The following GLDC variants were observed in gnomAD, a reference collection of about 807,000 sequenced individuals.
The protein encoded by GLDC is glycine decarboxylase.
Under a neutral mutation model 121.3 loss-of-function variants are expected in GLDC, and 104 were observed. The observed-to-expected ratio is 0.86, with a 90% CI of 0.73 to 1.01. The LOEUF is 1.01. Ranked by LOEUF, GLDC falls within the 50% of genes least tolerant of loss-of-function variation. GLDC has a pLI of 0.00. For synonymous variants in GLDC, 546 were observed against 480.6 expected, an observed-to-expected ratio of 1.14 and a Z score of -1.78; for missense variants, 1,429 against 1,306.6, an observed-to-expected ratio of 1.09 and a Z score of -1.44.
At chr9:6,602,551 C>T (rs1818637620) in intron 7 of GLDC, among the ~76,000 whole-genome samples, 1 of 152,054 alleles carries the variant, frequency 6.6e-6, no homozygotes, top group Non-Finnish European at 1.5e-5. Context: ...TGGGGTTTCA[C>T]CATGTTGGCC....
At chr9:6,644,268 G>A (rs1307017311) in intron 2 of GLDC, among the ~76,000 whole-genome samples, 4 of 151,768 alleles carry the variant, frequency 2.6e-5, no homozygotes, top group Non-Finnish European at 5.9e-5. Context: ...CCGGGTCTGC[G>A]CAGGTAATGA....
At chr9:6,577,956 C>G (rs1208960184) in intron 15 of GLDC, among the ~76,000 whole-genome samples, 1 of 151,886 alleles carries the variant, frequency 6.6e-6, no homozygotes, top group Non-Finnish European at 1.5e-5. Context: ...ACAGGGTCAA[C>G]CAGGCTGGAG....
intron 2 of GLDC, chr9:6,639,365 C>T (rs574485243): frequency 2.0e-5 from 19 of 935,162 alleles, no homozygotes; most frequent in Non-Finnish European, 3.1e-5. Context: ...GACCACTATG[C>T]TATCATCAAG....
At position 6,592,178 on chromosome 9, in the gene GLDC, C is replaced by A. The variant is rs753029511; in HGVS notation, c.1447G>T (p.Asp483Tyr). 6.2e-7 allele frequency: 1 copy of A among 1,608,112 alleles called. No individual in the cohort carries two copies. Among genetic ancestry groups the A allele is most frequent in the South Asian group, 1.1e-5 (1 of 90,954 alleles). ...DETVNEKDLD[D>Y]LLWIFGCESS... ...TCACAACCAAAGATCCACAACAAATCGTCCAGATCTTTTTCATTGACTGTT... is the reference window on the plus strand; with the variant it reads ...TCACAACCAAAGATCCACAACAAATAGTCCAGATCTTTTTCATTGACTGTT... Residue 483 changes from aspartate to tyrosine, a missense_variant, in exon 11 of 25, where the codon GAT (aspartate) becomes TAT (tyrosine). By Grantham distance (160) the Asp-to-Tyr change is radical. Transcript: ENST00000321612.
rs1817684915 is a variant in GLDC, at chr9:6,558,648, G to C, written c.1963C>G (p.Pro655Ala). The C allele has an allele frequency of 6.2e-7, 1 of 1,614,118 alleles. No individual in the cohort carries two copies. The highest frequency in any genetic ancestry group is 1.3e-5 in the African/African-American group (1 of 75,024). ...LIPKSAHGTNPASAHMAGMKI... is the reference protein window; with the variant it reads ...LIPKSAHGTNAASAHMAGMKI... The stretch of plus-strand genomic sequence containing the variant: ...ATGCCTGCCATGTGGGCACTTGCTG[G>C]GTTGGTCCCATGTGCTGATTTCGGA... Residue 655 changes from proline to alanine, a missense_variant, in exon 17 of 25, where the codon CCA becomes GCA. By Grantham distance (27) the Pro-to-Ala change is conservative. Transcript: ENST00000321612.
chr9:6,592,367 G>A (rs560050508), intron 10 of GLDC, 144 bp from the exon 11 acceptor site: 3 of 699,874 alleles, frequency 4.3e-6, no homozygotes, highest in Non-Finnish European at 7.7e-6. Context: ...CCACGCTAAG[G>A]CTTAGAGGAA....
chr9:6,643,532 A>T (rs908985029), intron 2 of GLDC, among the ~76,000 whole-genome samples: 1 of 129,944 alleles, frequency 7.7e-6, no homozygotes, highest in Non-Finnish European at 1.6e-5. Flanking sequence ...TAACCAGATG[A>T]GATTTTTTTT....
intron 2 of GLDC, among the ~76,000 whole-genome samples, chr9:6,642,404 G>A (rs978914355): frequency 2.0e-5 from 3 of 152,092 alleles, no homozygotes; most frequent in African/African-American, 2.4e-5. Context: ...GGTGGTGCAC[G>A]TCTGTAATCC....
chr9:6,580,678 C>T (rs1353538281), intron 15 of GLDC, among the ~76,000 whole-genome samples: 13 of 152,148 alleles, frequency 8.5e-5, no homozygotes, highest in Admixed American at 8.5e-4. Context: ...AAATAAAGCC[C>T]TTCTTTTCTC....
In GLDC at chr9:6,532,777, C is replaced by T; in HGVS notation, c.*240G>A. 1 of 515,590 alleles carries T rather than the reference C, an allele frequency of 1.9e-6. No homozygotes were observed. The highest frequency in any genetic ancestry group is 3.5e-6 in the Non-Finnish European group (1 of 284,940). The allele number at this position is 515,590 out of a possible 1,614,324, so 31.9% of individuals were successfully genotyped here. A position where few individuals can be genotyped will look rare whatever the true frequency, so the allele number is the denominator to read the frequency against. On this transcript the variant is annotated 3_prime_UTR_variant, in exon 25 of 25. Transcript: ENST00000321612. ...ACTTTCTACGCAAAACACAAAATGG[C>T]TCCCAATCCAGGCAACTGGCACATG...
At chr9:6,643,956 C>T (rs1199106293) in intron 2 of GLDC, among the ~76,000 whole-genome samples, 3 of 133,500 alleles carry the variant, frequency 2.2e-5, no homozygotes, top group Non-Finnish European at 4.6e-5. Context: ...ATTGCTTGAA[C>T]CAGGGAGGCG....
In GLDC at chr9:6,532,654, A is replaced by C. The variant is rs1242186124; in HGVS notation, c.*363T>G. 6.7e-6 allele frequency: 2 copies of C among 297,914 alleles called. No individual in the cohort carries two copies. The highest frequency in any genetic ancestry group is 1.3e-5 in the Non-Finnish European group (2 of 154,158). The allele number at this position is 297,914 out of a possible 1,614,324, so 18.5% of individuals were successfully genotyped here. A position where few individuals can be genotyped will look rare whatever the true frequency, so the allele number is the denominator to read the frequency against. On this transcript the variant is annotated 3_prime_UTR_variant, in exon 25 of 25. Coordinates refer to ENST00000321612, the MANE Select transcript of GLDC (RefSeq NM_000170.3). Reference sequence around the variant, plus strand: ...GGATTTCCCACAGATGGCACAGTCCACATGGACTCTTTTGGAACAAAAAAA... The same window carrying C: ...GGATTTCCCACAGATGGCACAGTCCCCATGGACTCTTTTGGAACAAAAAAA...
intron 2 of GLDC, among the ~76,000 whole-genome samples, chr9:6,627,166 G>A (rs914128639): frequency 2.6e-5 from 4 of 151,638 alleles, no homozygotes; most frequent in African/African-American, 7.3e-5. Flanking sequence ...TGTGTTGGCG[G>A]GCACCTGTAG....
rs565330546 is a variant in GLDC at position 6,637,397 on chromosome 9, C to T, written c.334+7217G>A. 3.9e-3 allele frequency among the ~76,000 whole-genome samples: 525 copies of T among 133,134 alleles called. 4 individuals carry two copies. Among genetic ancestry groups the T allele is most frequent in the African/African-American group, 0.015 (482 of 31,448 alleles). The allele number at this position is 133,134 out of a possible 152,430, so 87.3% of individuals were successfully genotyped here. On this transcript the variant is annotated intron_variant, in intron 2 of 24. Transcript: ENST00000321612. ...TCAAACCTGGGGGATAAGAGCGAGA[C>T]TTCTCTCAAAAAAAAAAAAAAGATA...
In GLDC at chr9:6,604,018, G is replaced by A. The variant is rs551798585; in HGVS notation, c.1058+570C>T. Among the ~76,000 whole-genome samples, 11 of 151,922 alleles carry A rather than the reference G, an allele frequency of 7.2e-5. No homozygotes were observed. In the South Asian group the frequency reaches 1.9e-3, roughly 26 times the overall value. On this transcript the variant is annotated intron_variant, in intron 7 of 24. Transcript: ENST00000321612. ...GCTGGGATTACAGGTGTGAGCCACC[G>A]CACCCAGCCCTTTTTTTCTTTTCTT... is the stretch of plus-strand genomic sequence containing the variant.
rs769512301 is a variant in GLDC, at chr9:6,533,174, A to C, written c.2920-14T>G. 12 of 1,612,986 alleles carry C rather than the reference A, an allele frequency of 7.4e-6. No individual in the cohort carries two copies. Among genetic ancestry groups the C allele is most frequent in the Non-Finnish European group, 9.3e-6 (11 of 1,179,086 alleles). On this transcript the variant is annotated splice_polypyrimidine_tract_variant and intron_variant, in intron 24 of 24. Transcript: ENST00000321612. The stretch of plus-strand genomic sequence containing the variant: ...TTTCACGAAGGGCTGCAAAGGACAA[A>C]AGATGGAAATGCTGTGAGATGTTCT...
At chr9:6,569,745 G>A (rs1236327989) in intron 15 of GLDC, among the ~76,000 whole-genome samples, 1 of 152,072 alleles carries the variant, frequency 6.6e-6, no homozygotes, top group Non-Finnish European at 1.5e-5. Context: ...GGAGGCCGAG[G>A]CGAGCGGATT....
intron 2 of GLDC, among the ~76,000 whole-genome samples, chr9:6,626,321 C>T (rs980954742): frequency 2.6e-5 from 4 of 152,156 alleles, no homozygotes; most frequent in Non-Finnish European, 5.9e-5. Context: ...CCAGTCCTGA[C>T]AATTAGCTCC....
chr9:6,643,605 C>T (rs1169796994), intron 2 of GLDC, among the ~76,000 whole-genome samples: 1 of 151,692 alleles, frequency 6.6e-6, no homozygotes, highest in African/African-American at 2.4e-5. Context: ...GTCAAATACC[C>T]ACATAAAAAT....
Sources: gnomAD v4.1 joint callset for allele counts (sites outside exome capture counted in the v4.1 genomes callset) on GRCh38, gnomAD v4.1.1 for gene constraint, MANE v1.5 for transcripts, NCBI Gene and HGNC (gene_info 2026-07-23, HGNC 2026-07-21) for gene names.